DCUN1D2: variants seen among roughly 807,000 people sequenced by gnomAD.
DCUN1D2 encodes the protein defective in cullin neddylation 1 domain containing 2, also known as DCN1-like protein 2.
Under a neutral mutation model 30.9 loss-of-function variants are expected in DCUN1D2, and 29 were observed. That is an observed-to-expected ratio of 0.94 (90% CI 0.70 to 1.28). The LOEUF (loss-of-function observed/expected upper bound fraction) is 1.28, where lower values mean the gene tolerates loss of function less well. Ranked by LOEUF, DCUN1D2 falls within the 50% of genes most tolerant of loss-of-function variation. The probability of loss-of-function intolerance (pLI) is 0.00; values close to 1 mark genes in which losing one functional copy is unlikely to be tolerated. For missense variants in DCUN1D2, 325 were observed against 316.9 expected (o/e 1.03, Z -0.19); for synonymous variants, 121 against 115.3 (o/e 1.05, Z -0.32).
In DCUN1D2 at chr13:113,483,867, GCTT is replaced by G. The variant is rs780116262; in HGVS notation, c.190_192del (p.Lys64del). On this transcript the variant is annotated inframe_deletion, in exon 2 of 7. Coordinates refer to ENST00000478244, the MANE Select transcript of DCUN1D2 (RefSeq NM_001014283.2). ...TTGTACCTGCCGTACAGCCGCTCCA[GCTT>G]CTTCTTGTCCACAGCGTTCCGCATG... 1.6e-5 allele frequency: 25 copies of G among 1,612,754 alleles called. 1 individual carries two copies. In the Admixed American group the frequency reaches 2.0e-4, roughly 13 times the overall value.
chr13:113,460,466 A>AGCT (rs890574685), intron 5 of DCUN1D2, among the ~76,000 whole-genome samples: 1 of 152,242 alleles, frequency 6.6e-6, no homozygotes, highest in Non-Finnish European at 1.5e-5. Context: ...AAAAACCCAC[A>AGCT]GCTGCACCTG....
At chr13:113,473,878 G>GC (rs1243439892) in intron 4 of DCUN1D2, among the ~76,000 whole-genome samples, 2 of 152,190 alleles carry the variant, frequency 1.3e-5, no homozygotes, top group African/African-American at 4.8e-5. Context: ...GGTGGTGGAC[G>GC]CCTGTAGTCC....
intron 4 of DCUN1D2, among the ~76,000 whole-genome samples, chr13:113,465,512 AC>A (rs2044387112): frequency 6.6e-6 from 1 of 151,344 alleles, no homozygotes; most frequent in Admixed American, 6.6e-5. Flanking sequence ...AAAAAAAAAA[AC>A]AAACAAACCC....
At chr13:113,479,021 G>A (rs2044663205) in intron 3 of DCUN1D2, 1 of 152,148 alleles carries the variant, frequency 6.6e-6, no homozygotes, top group African/African-American at 2.4e-5. Flanking sequence ...CAATGGATAA[G>A]CCCAGCTCTG....
At chr13:113,487,599 G>A (rs528366664) in intron 1 of DCUN1D2, among the ~76,000 whole-genome samples, 13 of 152,316 alleles carry the variant, frequency 8.5e-5, no homozygotes, top group African/African-American at 3.1e-4. Flanking sequence ...CACAGTGTGC[G>A]ATTCCAGCCA....
Position 113,463,963 on chromosome 13 carries a change from G to A in DCUN1D2, c.521-2827C>T, listed in dbSNP as rs1025057896. On this transcript the variant is annotated intron_variant, in intron 4 of 6. Coordinates refer to ENST00000478244, the MANE Select transcript of DCUN1D2 (RefSeq NM_001014283.2). ...TTTATACTTAATTCCTCACAAGACC[G>A]ACCACATCATCTTTGGAAATGGTAA... Among the ~76,000 whole-genome samples the A allele has an allele frequency of 1.8e-4, 27 of 152,256 alleles. 1 individual carries two copies. The highest frequency in any genetic ancestry group is 9.2e-4 in the Admixed American group (14 of 15,296).
chr13:113,457,468 C>T lies in DCUN1D2; in HGVS notation c.*561G>A, dbSNP rs980658700. 1 of 151,876 alleles carries T rather than the reference C, an allele frequency of 6.6e-6. No individual in the cohort carries two copies. The highest frequency in any genetic ancestry group is 2.4e-5 in the African/African-American group (1 of 41,426). 9.4% of individuals were successfully genotyped at this position (151,876 alleles called of 1,614,324 possible). On this transcript the variant is annotated 3_prime_UTR_variant, in exon 7 of 7. Transcript: ENST00000478244. ...AGAGAAAATGAAAACAAAAATAGAG[C>T]TGGTAAATCTAGATATTTGGTAATT...
intron 3 of DCUN1D2, among the ~76,000 whole-genome samples, chr13:113,477,050 A>G (rs1052670522): frequency 2.0e-5 from 3 of 152,180 alleles, no homozygotes; most frequent in Non-Finnish European, 4.4e-5. Flanking sequence ...TAATTACTGT[A>G]GCTTTAAAAG....
intron 3 of DCUN1D2, among the ~76,000 whole-genome samples, chr13:113,479,781 GTAAA>G (rs1310001121): frequency 6.6e-6 from 1 of 152,080 alleles, no homozygotes. Context: ...AAAAAGTTGA[GTAAA>G]TAAGCTAGTA....
intron 5 of DCUN1D2, among the ~76,000 whole-genome samples, chr13:113,459,879 A>G (rs1313416470): frequency 6.6e-6 from 1 of 152,162 alleles, no homozygotes; most frequent in African/African-American, 2.4e-5. Flanking sequence ...CGTGGCTCCA[A>G]AGCCGTGCTC....
chr13:113,490,566 G>A lies in DCUN1D2; in HGVS notation c.3+101C>T, dbSNP rs1313189671. On this transcript the variant is annotated intron_variant, in intron 1 of 6. Coordinates refer to ENST00000478244, the MANE Select transcript of DCUN1D2 (RefSeq NM_001014283.2). This position sits in a 1 kb window ranked among gnomAD's most constrained non-coding sequence, Gnocchi z 5.2. The stretch of plus-strand genomic sequence containing the variant: ...CCACGCGGAACGCCCCGCGCAGCTC[G>A]CTGGGCTCGGCCTCCCACATCCAGC... 1 of 1,111,986 alleles carries A rather than the reference G, an allele frequency of 9.0e-7. No homozygotes were observed. Among genetic ancestry groups the A allele is most frequent in the Non-Finnish European group, 1.1e-6 (1 of 882,736 alleles). 68.9% of individuals were successfully genotyped at this position (1,111,986 alleles called of 1,614,324 possible).
chr13:113,461,562 T>C (rs1459269350), intron 4 of DCUN1D2, among the ~76,000 whole-genome samples: 7 of 152,242 alleles, frequency 4.6e-5, no homozygotes, highest in Middle Eastern at 3.2e-3. Flanking sequence ...GTTCTCCAAA[T>C]AGACCTGCCT....
intron 3 of DCUN1D2, among the ~76,000 whole-genome samples, chr13:113,474,808 T>A (rs546172136): frequency 3.3e-5 from 5 of 152,330 alleles, no homozygotes; most frequent in Admixed American, 2.6e-4. Flanking sequence ...CACTGTTACC[T>A]CTGTCCCATC....
Position 113,457,881 on chromosome 13 carries a change from GTCC to G in DCUN1D2, c.*145_*147del. The G allele has an allele frequency of 1.3e-6, 1 of 753,938 alleles. No homozygotes were observed. Among genetic ancestry groups the G allele is most frequent in the Non-Finnish European group, 2.3e-6 (1 of 442,696 alleles). 46.7% of individuals were successfully genotyped at this position (753,938 alleles called of 1,614,324 possible). On this transcript the variant is annotated 3_prime_UTR_variant, in exon 7 of 7. Transcript: ENST00000478244. ...GGTGTCCACAAAGCAGCCGCTGGCT[GTCC>G]TCCGGCAGAATGGGATGGCGCCTCT...
At chr13:113,471,511 A>G (rs2044515358) in intron 4 of DCUN1D2, among the ~76,000 whole-genome samples, 1 of 152,270 alleles carries the variant, frequency 6.6e-6, no homozygotes, top group Non-Finnish European at 1.5e-5. Context: ...TGAAATTAAA[A>G]AAAGATTAGA....
At chr13:113,479,960 GC>G (rs2044679389) in intron 3 of DCUN1D2, among the ~76,000 whole-genome samples, 1 of 152,128 alleles carries the variant, frequency 6.6e-6, no homozygotes, top group South Asian at 2.1e-4. Context: ...GAATTTTTTA[GC>G]CCCATTCTAA....
chr13:113,461,554 T>C (rs919142936), intron 4 of DCUN1D2, among the ~76,000 whole-genome samples: 1 of 152,224 alleles, frequency 6.6e-6, no homozygotes, highest in Non-Finnish European at 1.5e-5. Flanking sequence ...GACACACTGT[T>C]CTCCAAATAG....
chr13:113,483,716 A>C (rs2044749494), intron 2 of DCUN1D2, 124 bp downstream of exon 2: 5 of 867,900 alleles, frequency 5.8e-6, no homozygotes, highest in Non-Finnish European at 9.0e-6. Context: ...CCGAGCGCTG[A>C]GCGTGGGGAG....
In DCUN1D2 at chr13:113,480,494, T is replaced by C. The variant is rs1346756193; in HGVS notation, c.389+81A>G. On this transcript the variant is annotated intron_variant, in intron 3 of 6. Coordinates refer to ENST00000478244, the MANE Select transcript of DCUN1D2 (RefSeq NM_001014283.2). ...CAAAGAAAATAAGCAGATATGAAAT[T>C]AGTATGTACAGGTTGCTGAAAAATA... The C allele has an allele frequency of 2.8e-6, 4 of 1,444,646 alleles. No individual in the cohort carries two copies. The South Asian group carries it at 3.8e-5, about 14-fold the overall frequency. 89.5% of individuals were successfully genotyped at this position (1,444,646 alleles called of 1,614,324 possible). A position where few individuals can be genotyped will look rare whatever the true frequency, so the allele number is the denominator to read the frequency against.
Sources: gnomAD v4.1 joint callset for allele counts (sites outside exome capture counted in the v4.1 genomes callset) on GRCh38, gnomAD v4.1.1 for gene constraint, Gnocchi (gnomAD v3.1) non-coding constraint, MANE v1.5 for transcripts, NCBI Gene and HGNC (gene_info 2026-07-23, HGNC 2026-07-21) for gene names.